CNTN5: variants seen among roughly 807,000 people sequenced by gnomAD.
CNTN5 encodes the protein contactin 5.
Under a neutral mutation model 129.1 loss-of-function variants are expected in CNTN5, and 77 were observed. That is an observed-to-expected ratio of 0.60 (90% CI 0.50 to 0.72). The LOEUF is 0.72. Ranked by LOEUF, CNTN5 falls within the 30% of genes least tolerant of loss-of-function variation. CNTN5 has a pLI of 0.00. For synonymous variants in CNTN5, 509 were observed against 465.6 expected, an observed-to-expected ratio of 1.09 and a Z score of -1.20; for missense variants, 1,478 against 1,328.8, an observed-to-expected ratio of 1.11 and a Z score of -1.75.
intron 1 of CNTN5, among the ~76,000 whole-genome samples, chr11:99,053,488 T>C (rs984560829): frequency 3.3e-5 from 5 of 151,966 alleles, no homozygotes; most frequent in Admixed American, 2.6e-4. Context: ...CTGAGGTTTC[T>C]TGGAACATAT....
chr11:99,509,332 T>C (rs1212352442), intron 2 of CNTN5, among the ~76,000 whole-genome samples: 1 of 152,176 alleles, frequency 6.6e-6, no homozygotes, highest in African/African-American at 2.4e-5. Flanking sequence ...ACATGAAAAA[T>C]TCTCAAAAAA....
chr11:99,996,383 A>G (rs561864818), intron 8 of CNTN5, among the ~76,000 whole-genome samples: 1 of 152,140 alleles, frequency 6.6e-6, no homozygotes, highest in Admixed American at 6.5e-5. Flanking sequence ...TAAAGTCTAA[A>G]TGTTTTACTC....
At chr11:99,101,229 C>T (rs556958754) in intron 1 of CNTN5, among the ~76,000 whole-genome samples, 39 of 152,286 alleles carry the variant, frequency 2.6e-4, no homozygotes, top group Admixed American at 2.2e-3. Flanking sequence ...TTATCTCTCA[C>T]CAGTTTCCTG....
At chr11:99,087,580 T>A (rs1866054177) in intron 1 of CNTN5, among the ~76,000 whole-genome samples, 1 of 152,214 alleles carries the variant, frequency 6.6e-6, no homozygotes, top group South Asian at 2.1e-4. Context: ...ACCACCGTCA[T>A]ACATTTAATC....
intron 1 of CNTN5, among the ~76,000 whole-genome samples, chr11:99,121,800 T>G (rs1387881714): frequency 1.3e-5 from 2 of 152,186 alleles, no homozygotes. Flanking sequence ...AAGGGTCAGA[T>G]TCCTCTATTT....
chr11:99,964,268 G>A (rs981886580), intron 8 of CNTN5, among the ~76,000 whole-genome samples: 11 of 152,104 alleles, frequency 7.2e-5, no homozygotes, highest in Non-Finnish European at 1.5e-4. Flanking sequence ...TCCAGTTTTT[G>A]CCCATTCAGT....
At chr11:99,330,842 A>G (rs1865970245) in intron 2 of CNTN5, among the ~76,000 whole-genome samples, 1 of 152,124 alleles carries the variant, frequency 6.6e-6, no homozygotes, top group Non-Finnish European at 1.5e-5. Context: ...AAACAAGTTG[A>G]TATCTAAATT....
intron 2 of CNTN5, among the ~76,000 whole-genome samples, chr11:99,462,039 T>G (rs2135236783): frequency 6.6e-6 from 1 of 152,322 alleles, no homozygotes; most frequent in East Asian, 1.9e-4. Context: ...GTGGCTATTT[T>G]TACTGAGAAC....
intron 1 of CNTN5, among the ~76,000 whole-genome samples, chr11:99,163,469 C>T (rs1323400189): frequency 1.3e-5 from 2 of 151,912 alleles, no homozygotes; most frequent in African/African-American, 4.8e-5. Context: ...AACAATTTCT[C>T]AATTTTCTGT....
intron 13 of CNTN5, among the ~76,000 whole-genome samples, chr11:100,168,443 C>T (rs11223063): frequency 0.21 from 31,389 of 151,790 alleles, 4,257 homozygotes; most frequent in East Asian, 0.54. Context: ...AATTGTAGGG[C>T]TCTTGAGAAT....
chr11:99,354,911 C>G (rs1938537066), intron 2 of CNTN5, among the ~76,000 whole-genome samples: 1 of 152,208 alleles, frequency 6.6e-6, no homozygotes, highest in Non-Finnish European at 1.5e-5. Context: ...TTCTGGCGCT[C>G]TTTCCATCCT....
intron 6 of CNTN5, among the ~76,000 whole-genome samples, chr11:99,875,835 TAA>T (rs1232615475): frequency 3.9e-5 from 6 of 152,158 alleles, no homozygotes; most frequent in Non-Finnish European, 5.9e-5. Context: ...ATATTTTACA[TAA>T]GTGTTAAAAA....
chr11:100,283,677 G>A (rs975812423), intron 18 of CNTN5, among the ~76,000 whole-genome samples: 4 of 152,120 alleles, frequency 2.6e-5, no homozygotes, highest in Non-Finnish European at 5.9e-5. Context: ...CGGGCGCTGT[G>A]GCTCACACCT....
At chr11:99,183,833 C>T (rs373432655) in intron 1 of CNTN5, among the ~76,000 whole-genome samples, 5 of 152,134 alleles carry the variant, frequency 3.3e-5, no homozygotes, top group Admixed American at 1.3e-4. Context: ...ATTTAAAATT[C>T]CATGTCTAAA....
At chr11:100,174,543 T>C (rs543271026) in intron 13 of CNTN5, among the ~76,000 whole-genome samples, 1 of 152,248 alleles carries the variant, frequency 6.6e-6, no homozygotes, top group South Asian at 2.1e-4. Context: ...AGAAGCCAAT[T>C]TGAGCAAAAA....
At chr11:99,536,814 G>A (rs1947917260) in intron 2 of CNTN5, among the ~76,000 whole-genome samples, 1 of 137,110 alleles carries the variant, frequency 7.3e-6, no homozygotes, top group Non-Finnish European at 1.6e-5. Flanking sequence ...GTCACAAAAA[G>A]AAGCCAGATA....
intron 1 of CNTN5, among the ~76,000 whole-genome samples, chr11:99,067,478 T>C (rs1447258955): frequency 6.7e-6 from 1 of 150,276 alleles, no homozygotes; most frequent in Non-Finnish European, 1.5e-5. Flanking sequence ...GTAGGAAGAA[T>C]GGCTGAAGTG....
intron 1 of CNTN5, among the ~76,000 whole-genome samples, chr11:99,233,409 G>T (rs963082338): frequency 5.3e-5 from 8 of 152,196 alleles, no homozygotes. Flanking sequence ...ATACTGGGGT[G>T]TTATTGAGTG....
At chr11:99,850,173 T>A (rs1242185904) in intron 6 of CNTN5, among the ~76,000 whole-genome samples, 2 of 152,234 alleles carry the variant, frequency 1.3e-5, no homozygotes, top group Middle Eastern at 3.4e-3. Flanking sequence ...ATTTTGGGCT[T>A]ATAGTAATTT....
Sources: allele counts gnomAD v4.1 joint callset (sites outside exome capture counted in the v4.1 genomes callset), GRCh38; gene constraint gnomAD v4.1.1; transcripts MANE v1.5; gene names NCBI Gene and HGNC (gene_info 2026-07-23, HGNC 2026-07-21).